The following SNAPC3 variants were observed in gnomAD, a reference collection of about 807,000 sequenced individuals.
The protein encoded by SNAPC3 is snRNA-activating protein complex subunit 3.
In SNAPC3, 56 loss-of-function variants were observed where a neutral mutation model predicts 47.7. The observed-to-expected ratio is 1.18, with a 90% CI of 0.95 to 1.47. The LOEUF is 1.47. Among genes scored for constraint, SNAPC3 ranks in the 40% most tolerant of loss-of-function variants. The probability of loss-of-function intolerance (pLI) is 0.00; values close to 1 mark genes in which losing one functional copy is unlikely to be tolerated. For missense variants in SNAPC3, 665 were observed against 511.3 expected (o/e 1.30, Z -2.90); for synonymous variants, 235 against 189.9 (o/e 1.24, Z -1.95).
Position 15,454,873 on chromosome 9 carries a change from G to A in SNAPC3, c.980+1668G>A, listed in dbSNP as rs12003556. 9.5e-3 allele frequency among the ~76,000 whole-genome samples: 1,449 copies of A among 152,298 alleles called. 15 individuals carry two copies. Among genetic ancestry groups the A allele is most frequent in the African/African-American group, 0.033 (1,378 of 41,560 alleles). ...GGCGTGAACCCGGGAGGTGGAGCAT[G>A]CAGTGAGCTGAGATCGTGCCACTGC... On this transcript the variant is annotated intron_variant, in intron 7 of 8. Transcript: ENST00000380821.
At chr9:15,425,498 G>A (rs987745312) in intron 2 of SNAPC3, among the ~76,000 whole-genome samples, 2 of 152,124 alleles carry the variant, frequency 1.3e-5, no homozygotes, top group African/African-American at 2.4e-5. Flanking sequence ...GATTACATGC[G>A]TGAGCCGCCA....
chr9:15,444,834 G>A, intron 4 of SNAPC3, 128 bp downstream of exon 4: 2 of 529,830 alleles, frequency 3.8e-6, no homozygotes, highest in South Asian at 2.2e-5. Context: ...GCTCATGCCT[G>A]TAATCTCAGC....
At position 15,457,978 on chromosome 9, in the gene SNAPC3, C is replaced by G. The variant is rs2034923780; in HGVS notation, c.999C>G (p.Asp333Glu). The change falls in exon 8 of 9, where the codon GAC becomes GAG. Residue 333 changes from aspartate (D) to glutamate (E), a missense_variant. Physicochemically the swap from Asp to Glu is conservative, Grantham distance 45 (BLOSUM62 2). Transcript: ENST00000380821. Reference sequence around the variant, plus strand: ...ACAAAAGGCTTGTGCATCATGATGACTGCTTGGATAGGACATTGTATCCCC... The same window carrying G: ...ACAAAAGGCTTGTGCATCATGATGAGTGCTTGGATAGGACATTGTATCCCC... ...ITDIRLVHHD[D>E]CLDRTLYPLL... The G allele has an allele frequency of 6.3e-7, 1 of 1,584,206 alleles. No individual in the cohort carries two copies. Among genetic ancestry groups the G allele is most frequent in the Non-Finnish European group, 8.6e-7 (1 of 1,169,182 alleles).
intron 2 of SNAPC3, among the ~76,000 whole-genome samples, chr9:15,426,023 A>G (rs1313295890): frequency 1.3e-5 from 2 of 152,012 alleles, no homozygotes; most frequent in Non-Finnish European, 2.9e-5. Flanking sequence ...CACCACGCTT[A>G]ATTTTGTATT....
chr9:15,447,270 A>G, intron 5 of SNAPC3, 26 bp downstream of exon 5: 1 of 1,608,024 alleles, frequency 6.2e-7, no homozygotes, highest in Non-Finnish European at 8.5e-7. Context: ...CCCATAAAAC[A>G]AAAGGAAATA....
intron 4 of SNAPC3, among the ~76,000 whole-genome samples, chr9:15,445,041 C>T (rs1432619324): frequency 6.6e-6 from 1 of 152,152 alleles, no homozygotes; most frequent in Non-Finnish European, 1.5e-5. Flanking sequence ...TGTAAGCGAG[C>T]TATGATTGCA....
At chr9:15,436,997 G>C (rs1391504028) in intron 3 of SNAPC3, among the ~76,000 whole-genome samples, 2 of 150,516 alleles carry the variant, frequency 1.3e-5, no homozygotes, top group Non-Finnish European at 3.0e-5. Context: ...CTAAGTTTTT[G>C]TATTTTTAAT....
chr9:15,442,357 G>A lies in SNAPC3; in HGVS notation c.478-2245G>A, dbSNP rs550491922. ...GACGGGGCGGCTGCCGGGCAGAGAC[G>A]CTCCTCACCTCCCAGACAGGGCAGC... On this transcript the variant is annotated intron_variant, in intron 3 of 8. Coordinates refer to ENST00000380821, the MANE Select transcript of SNAPC3 (RefSeq NM_001039697.2). Among the ~76,000 whole-genome samples the A allele has an allele frequency of 7.3e-5, 11 of 150,952 alleles. No individual in the cohort carries two copies. The East Asian group carries it at 1.6e-3, about 22-fold the overall frequency.
chr9:15,427,776 A>G (rs1165177424), intron 2 of SNAPC3, among the ~76,000 whole-genome samples: 1 of 152,232 alleles, frequency 6.6e-6, no homozygotes, highest in African/African-American at 2.4e-5. Context: ...AAAGGAACTT[A>G]CAGAGTCCTG....
At chr9:15,441,789 ACTT>A (rs990674554) in intron 3 of SNAPC3, among the ~76,000 whole-genome samples, 7 of 152,194 alleles carry the variant, frequency 4.6e-5, no homozygotes, top group African/African-American at 1.4e-4. Flanking sequence ...TCCTATGTCT[ACTT>A]CTTTCTACAC....
At chr9:15,438,996 G>C (rs1445689856) in intron 3 of SNAPC3, among the ~76,000 whole-genome samples, 1 of 152,056 alleles carries the variant, frequency 6.6e-6, no homozygotes, top group African/African-American at 2.4e-5. Flanking sequence ...GTTGGCTTTT[G>C]CTTCATATAT....
intron 2 of SNAPC3, among the ~76,000 whole-genome samples, chr9:15,424,250 TCTC>T (rs1194145317): frequency 6.6e-6 from 1 of 152,154 alleles, no homozygotes; most frequent in Non-Finnish European, 1.5e-5. Context: ...AAAGTATCAT[TCTC>T]CTACATAATT....
intron 3 of SNAPC3, among the ~76,000 whole-genome samples, chr9:15,442,956 G>A (rs533625331): frequency 6.6e-6 from 1 of 152,226 alleles, no homozygotes; most frequent in Non-Finnish European, 1.5e-5. Context: ...ATCACTCGCA[G>A]TTAGGAGCTG....
intron 2 of SNAPC3, among the ~76,000 whole-genome samples, chr9:15,427,117 G>T (rs185413261): frequency 1.3e-5 from 2 of 152,196 alleles, no homozygotes; most frequent in East Asian, 3.9e-4. Flanking sequence ...GAAAGAGCTC[G>T]TTTTATGCAT....
rs2035230318 is a variant in SNAPC3 at position 15,461,622 on chromosome 9, C to G, written c.*1756C>G. 6.6e-6 allele frequency: 1 copy of G among 152,204 alleles called. No individual in the cohort carries two copies. Among genetic ancestry groups the G allele is most frequent in the African/African-American group, 2.4e-5 (1 of 41,446 alleles). The allele number at this position is 152,204 out of a possible 1,614,324, so 9.4% of individuals were successfully genotyped here. ...TTAAAATAAATAAATTCCACTTTCT[C>G]TCTCCTAGGTTGTATTTAAATTTGA... is the stretch of plus-strand genomic sequence containing the variant. On this transcript the variant is annotated 3_prime_UTR_variant, in exon 9 of 9. Coordinates refer to ENST00000380821, the MANE Select transcript of SNAPC3 (RefSeq NM_001039697.2).
chr9:15,430,256 AC>A (rs1034806329), intron 2 of SNAPC3, among the ~76,000 whole-genome samples: 2 of 152,042 alleles, frequency 1.3e-5, no homozygotes, highest in African/African-American at 2.4e-5. Context: ...GATAGGGAGA[AC>A]CTGTATCTAC....
chr9:15,465,092 A>C (rs2035524667), downstream of SNAPC3: 1 of 229,338 alleles, frequency 4.4e-6, no homozygotes, highest in East Asian at 6.4e-5. Context: ...CAAAACCCAC[A>C]AACAGTGAAA....
chr9:15,464,419 A>C (rs1422309755), downstream of SNAPC3: 4 of 197,696 alleles, frequency 2.0e-5, no homozygotes, highest in African/African-American at 9.2e-5. Flanking sequence ...TAGAAATGCT[A>C]TCCTTTAGTT....
At chr9:15,451,466 C>T (rs1258800236) in intron 6 of SNAPC3, 64 bp downstream of exon 6, 1 of 682,790 alleles carries the variant, frequency 1.5e-6, no homozygotes, top group African/African-American at 1.8e-5. Flanking sequence ...AGTGTTATCT[C>T]CACAAATCCT....
Sources: gnomAD v4.1 joint callset for allele counts (sites outside exome capture counted in the v4.1 genomes callset) on GRCh38, gnomAD v4.1.1 for gene constraint, MANE v1.5 for transcripts, NCBI Gene and HGNC (gene_info 2026-07-23, HGNC 2026-07-21) for gene names.